Variants in FAM222B observed in about 807,000 individuals in gnomAD.
FAM222B encodes the protein protein FAM222B.
In FAM222B, 12 loss-of-function variants were observed where a neutral mutation model predicts 38.0. That is an observed-to-expected ratio of 0.32 (90% CI 0.20 to 0.51). The LOEUF is 0.51. Among genes scored for constraint, FAM222B ranks in the 20% least tolerant of loss-of-function variants. The pLI, the probability that FAM222B is intolerant of heterozygous loss-of-function variation, is 0.97. For synonymous variants in FAM222B, 329 were observed against 317.2 expected (o/e 1.04, Z -0.40); for missense variants, 716 against 754.2 (o/e 0.95, Z 0.59).
chr17:28,828,095 A>ATTT lies in FAM222B; in HGVS notation c.-41+14584_-41+14586dup, dbSNP rs528492764. On this transcript the variant is annotated intron_variant, in intron 1 of 2. Coordinates refer to ENST00000581407, the MANE Select transcript of FAM222B (RefSeq NM_001077498.3). The stretch of plus-strand genomic sequence containing the variant: ...TAAGGAGAAATCAAGATCAAATCCA[A>ATTT]TTTTTTTTTTTTTTTTTTTTTTTTT... 3.6e-3 allele frequency among the ~76,000 whole-genome samples: 269 copies of ATTT among 74,696 alleles called. 13 individuals are homozygous for ATTT. Among genetic ancestry groups the ATTT allele is most frequent in the Non-Finnish European group, 4.0e-3 (171 of 42,546 alleles). 49.0% of individuals were successfully genotyped at this position (74,696 alleles called of 152,430 possible). A position where few individuals can be genotyped will look rare whatever the true frequency, so the allele number is the denominator to read the frequency against.
rs1268201939 is a variant in FAM222B, at chr17:28,757,385, T to TC, written c.*884_*885insG. The TC allele has an allele frequency of 6.6e-6, 1 of 152,216 alleles. No homozygotes were observed. Among genetic ancestry groups the TC allele is most frequent in the African/African-American group, 2.4e-5 (1 of 41,358 alleles). 9.4% of individuals were successfully genotyped at this position (152,216 alleles called of 1,614,324 possible). On this transcript the variant is annotated 3_prime_UTR_variant, in exon 3 of 3. Coordinates refer to ENST00000581407, the MANE Select transcript of FAM222B (RefSeq NM_001077498.3). The stretch of plus-strand genomic sequence containing the variant: ...AGAGAGAACCAAATGCATTTTTTTT[T>TC]TTTTGGTGTTTTTAATCCCAAACTC...
In FAM222B at chr17:28,788,828, G is replaced by A. The variant is rs943344290; in HGVS notation, c.-40-22121C>T. The stretch of plus-strand genomic sequence containing the variant: ...GCAATATTGGCTTACTATAACCACT[G>A]CCTCCCAGGTTCAAACAATTCTCCT... On this transcript the variant is annotated intron_variant, in intron 1 of 2. Coordinates refer to ENST00000581407, the MANE Select transcript of FAM222B (RefSeq NM_001077498.3). Among the ~76,000 whole-genome samples the A allele has an allele frequency of 4.6e-5, 7 of 151,914 alleles. No individual in the cohort carries two copies. The East Asian group carries it at 1.4e-3, about 29-fold the overall frequency.
intron 1 of FAM222B, among the ~76,000 whole-genome samples, chr17:28,819,393 A>G (rs2151942006): frequency 6.6e-6 from 1 of 152,314 alleles, no homozygotes; most frequent in African/African-American, 2.4e-5. Flanking sequence ...AGAAATACAT[A>G]AAGTCAAAAA....
Position 28,768,536 on chromosome 17 carries a change from A to C in FAM222B, c.-40-1829T>G, listed in dbSNP as rs572081563. On this transcript the variant is annotated intron_variant, in intron 1 of 2. Coordinates refer to ENST00000581407, the MANE Select transcript of FAM222B (RefSeq NM_001077498.3). ...CACAGTGAGCCAACTTCAGTGCCTC[A>C]AGAAAAAAAAAAAGTCTTGGCCGGG... 1.9e-3 allele frequency among the ~76,000 whole-genome samples: 296 copies of C among 152,082 alleles called. 1 individual carries two copies. The highest frequency in any genetic ancestry group is 0.011 in the South Asian group (53 of 4,804).
At chr17:28,767,312 C>T (rs1000876647) in intron 1 of FAM222B, among the ~76,000 whole-genome samples, 14 of 152,056 alleles carry the variant, frequency 9.2e-5, no homozygotes, top group Admixed American at 3.3e-4. Context: ...CCCGCCACCA[C>T]GCCTGGCTAA....
chr17:28,795,491 G>A (rs371084610), intron 1 of FAM222B, among the ~76,000 whole-genome samples: 80 of 152,284 alleles, frequency 5.3e-4, no homozygotes, highest in African/African-American at 1.8e-3. Flanking sequence ...CTGGAGCACA[G>A]TGATGCAATC....
At chr17:28,831,173 T>G (rs547182189) in intron 1 of FAM222B, among the ~76,000 whole-genome samples, 16 of 152,118 alleles carry the variant, frequency 1.1e-4, no homozygotes, top group African/African-American at 3.6e-4. Flanking sequence ...TTTTGTATTT[T>G]TAGTAGAGAT....
intron 1 of FAM222B, among the ~76,000 whole-genome samples, chr17:28,776,735 G>A (rs1391330569): frequency 2.0e-5 from 3 of 152,002 alleles, no homozygotes; most frequent in African/African-American, 7.2e-5. Context: ...TGAGATTACA[G>A]GTATGAGCCT....
intron 1 of FAM222B, among the ~76,000 whole-genome samples, chr17:28,819,771 G>A (rs1452314874): frequency 6.6e-6 from 1 of 152,128 alleles, no homozygotes; most frequent in Non-Finnish European, 1.5e-5. Flanking sequence ...GCAAATAACA[G>A]GGAGTCTTAC....
chr17:28,833,567 C>CCA (rs2038738833), intron 1 of FAM222B, among the ~76,000 whole-genome samples: 1 of 134,642 alleles, frequency 7.4e-6, no homozygotes, highest in South Asian at 2.4e-4. Context: ...CAGCTGAGAT[C>CCA]GTGCCACTGT....
intron 1 of FAM222B, among the ~76,000 whole-genome samples, chr17:28,839,563 T>C (rs1006086984): frequency 6.6e-6 from 1 of 152,068 alleles, no homozygotes; most frequent in Non-Finnish European, 1.5e-5. Context: ...GGGGGAAAAA[T>C]GCATTACCAA....
At chr17:28,803,755 G>GGGCA (rs2037348137) in intron 1 of FAM222B, among the ~76,000 whole-genome samples, 1 of 151,992 alleles carries the variant, frequency 6.6e-6, no homozygotes, top group Non-Finnish European at 1.5e-5. Flanking sequence ...CGAGACGGGT[G>GGGCA]GATCAAGAGG....
At chr17:28,781,437 A>G (rs1039558317) in intron 1 of FAM222B, among the ~76,000 whole-genome samples, 2 of 152,166 alleles carry the variant, frequency 1.3e-5, no homozygotes, top group Non-Finnish European at 2.9e-5. Context: ...TGTTGATGAG[A>G]ATGTAAATTA....
intron 1 of FAM222B, among the ~76,000 whole-genome samples, chr17:28,822,802 C>CAAAAAAAAA (rs71135859): frequency 4.0e-4 from 4 of 9,882 alleles, no homozygotes; most frequent in African/African-American, 6.7e-4. Flanking sequence ...GACTCCATCT[C>CAAAAAAAAA]AAAAAAAAAA....
At chr17:28,828,881 A>G (rs1165613235) in intron 1 of FAM222B, among the ~76,000 whole-genome samples, 1 of 148,720 alleles carries the variant, frequency 6.7e-6, no homozygotes, top group African/African-American at 2.5e-5. Flanking sequence ...TCCTCATACT[A>G]CCTCTTTGCA....
intron 1 of FAM222B, among the ~76,000 whole-genome samples, chr17:28,798,713 C>T (rs533613033): frequency 1.3e-5 from 2 of 151,280 alleles, no homozygotes; most frequent in African/African-American, 4.8e-5. Flanking sequence ...CGGCTCACTG[C>T]AAGCTCCGCC....
At chr17:28,763,526 A>AC in intron 2 of FAM222B, among the ~76,000 whole-genome samples, 1 of 152,282 alleles carries the variant, frequency 6.6e-6, no homozygotes, top group Non-Finnish European at 1.5e-5. Context: ...CCCAATGGAG[A>AC]CCTCTCTGTT....
At chr17:28,773,123 C>A (rs1236327310) in intron 1 of FAM222B, among the ~76,000 whole-genome samples, 1 of 152,102 alleles carries the variant, frequency 6.6e-6, no homozygotes, top group Non-Finnish European at 1.5e-5. Flanking sequence ...AGAGCTCTCA[C>A]TGGCATGAAA....
chr17:28,811,439 AAAAAAC>A (rs895190979), intron 1 of FAM222B, among the ~76,000 whole-genome samples: 6 of 152,290 alleles, frequency 3.9e-5, no homozygotes, highest in East Asian at 1.9e-4. Flanking sequence ...GACTCGTCTC[AAAAAAC>A]AAAAACAAAA....
Sources: allele counts gnomAD v4.1 joint callset (sites outside exome capture counted in the v4.1 genomes callset), GRCh38; gene constraint gnomAD v4.1.1; transcripts MANE v1.5; gene names NCBI Gene and HGNC (gene_info 2026-07-23, HGNC 2026-07-21).